Variants in BCO1 observed in about 807,000 individuals in gnomAD.
BCO1 encodes beta,beta-carotene 15,15'-dioxygenase.
Under a neutral mutation model 56.3 loss-of-function variants are expected in BCO1, and 54 were observed. The ratio of observed to expected loss-of-function variants is 0.96; its 90% CI spans 0.77 to 1.20. The LOEUF is 1.20. Ranked by LOEUF, BCO1 falls within the 50% of genes most tolerant of loss-of-function variation. BCO1 has a pLI of 0.00. For synonymous variants in BCO1, 318 were observed against 266.1 expected, an observed-to-expected ratio of 1.20 and a Z score of -1.90; for missense variants, 801 against 690.9, an observed-to-expected ratio of 1.16 and a Z score of -1.79.
Position 81,277,612 on chromosome 16 carries a change from C to G in BCO1, c.1102-3245C>G, listed in dbSNP as rs1020634474. Among the ~76,000 whole-genome samples, 4 of 152,158 alleles carry G rather than the reference C, an allele frequency of 2.6e-5. No homozygotes were observed. The East Asian group carries it at 7.7e-4, about 29-fold the overall frequency. ...GAAACTAGCTCTGAGAAAAAGAGGT[C>G]TGCTCGAATCTGCATGGAAAACCAC... On this transcript the variant is annotated intron_variant, in intron 7 of 10. Coordinates refer to ENST00000258168, the MANE Select transcript of BCO1 (RefSeq NM_017429.3).
At chr16:81,288,620 C>A (rs1341782353) in intron 10 of BCO1, among the ~76,000 whole-genome samples, 2 of 152,200 alleles carry the variant, frequency 1.3e-5, no homozygotes, top group African/African-American at 4.8e-5. Flanking sequence ...TTTCACAGAG[C>A]CGCTGGAAAT....
At chr16:81,263,608 G>A (rs777680682) in intron 4 of BCO1, 3 of 152,194 alleles carry the variant, frequency 2.0e-5, no homozygotes, top group Admixed American at 6.5e-5. Flanking sequence ...AGTTCACTGA[G>A]AATTTGAATG....
In BCO1 at chr16:81,290,533, C is replaced by G. The variant is rs377275995; in HGVS notation, c.1600C>G (p.Gln534Glu). ...AAAAAAGCAGGCCGCTTCTGAGGAA[C>G]AGCGGGACAGGGCTTCCGACTGCCA... is the stretch of plus-strand genomic sequence containing the variant. ...DTKKQAASEE[Q>E]RDRASDCHGA... Residue 534 changes from glutamine to glutamate, a missense_variant, in exon 11 of 11, where the codon CAG becomes GAG. By Grantham distance (29) the Gln-to-Glu change is conservative. Coordinates refer to ENST00000258168, the MANE Select transcript of BCO1 (RefSeq NM_017429.3). 55 of 1,614,096 alleles carry G rather than the reference C, an allele frequency of 3.4e-5. No individual in the cohort carries two copies. In the African/African-American group the frequency reaches 4.7e-4, roughly 14 times the overall value.
At chr16:81,286,744 A>C (rs1464489067) in intron 9 of BCO1, among the ~76,000 whole-genome samples, 1 of 152,110 alleles carries the variant, frequency 6.6e-6, no homozygotes, top group Non-Finnish European at 1.5e-5. Context: ...TTCCTTCTAC[A>C]GTATCAGCTA....
At chr16:81,245,876 CT>C (rs1905381385) in intron 2 of BCO1, among the ~76,000 whole-genome samples, 5 of 28,912 alleles carry the variant, frequency 1.7e-4, no homozygotes, top group Admixed American at 3.7e-4. Context: ...TTTTTTTTTT[CT>C]CTGAGACGGA....
At chr16:81,272,132 G>C (rs78382985) in intron 7 of BCO1, among the ~76,000 whole-genome samples, 1 of 50,164 alleles carries the variant, frequency 2.0e-5, no homozygotes, top group South Asian at 5.7e-4. Context: ...TTTTTTTTTT[G>C]AGAAGGAGTC....
At chr16:81,265,813 C>CCCAT (rs759332681) in intron 5 of BCO1, among the ~76,000 whole-genome samples, 10 of 98,452 alleles carry the variant, frequency 1.0e-4, no homozygotes, top group Non-Finnish European at 1.6e-4. Context: ...CACCCACCTG[C>CCCAT]CCATCCATCC....
chr16:81,238,841 G>A lies in BCO1; in HGVS notation c.-68G>A. On this transcript the variant is annotated 5_prime_UTR_variant, in exon 1 of 11. Coordinates refer to ENST00000258168, the MANE Select transcript of BCO1 (RefSeq NM_017429.3). ...GAAGGAAACGCAGGAGGAGGGAGCA[G>A]CATCTCCTGTGAACACAGAGGAGCA... The A allele has an allele frequency of 2.9e-6, 4 of 1,357,518 alleles. No individual in the cohort carries two copies. Among genetic ancestry groups the A allele is most frequent in the Middle Eastern group, 1.8e-4 (1 of 5,550 alleles). The allele number at this position is 1,357,518 out of a possible 1,614,324, so 84.1% of individuals were successfully genotyped here.
chr16:81,263,940 C>T (rs1906652614), intron 4 of BCO1: 1 of 155,640 alleles, frequency 6.4e-6, no homozygotes, highest in African/African-American at 2.4e-5. Context: ...CACAGGGCTA[C>T]AGAGAGGAAA....
chr16:81,244,433 C>G (rs1905277231), intron 1 of BCO1, among the ~76,000 whole-genome samples: 1 of 152,042 alleles, frequency 6.6e-6, no homozygotes, highest in Non-Finnish European at 1.5e-5. Context: ...AGATGGTTCA[C>G]TTTTGTTCAT....
At chr16:81,270,878 G>A (rs1236467936) in intron 7 of BCO1, among the ~76,000 whole-genome samples, 1 of 151,954 alleles carries the variant, frequency 6.6e-6, no homozygotes, top group African/African-American at 2.4e-5. Context: ...TGGAGTAGCT[G>A]GGACTACAGG....
At chr16:81,248,869 G>A (rs113481791) in intron 2 of BCO1, among the ~76,000 whole-genome samples, 3,828 of 152,094 alleles carry the variant, frequency 0.025, 158 homozygotes, top group African/African-American at 0.086. Flanking sequence ...AAAATTAGCC[G>A]GATGTGGTGG....
At chr16:81,241,483 A>T (rs1469815985) in intron 1 of BCO1, among the ~76,000 whole-genome samples, 3 of 152,242 alleles carry the variant, frequency 2.0e-5, no homozygotes, top group Non-Finnish European at 4.4e-5. Context: ...AGCGGTTCTC[A>T]AAGGGGTGGC....
At position 81,268,032 on chromosome 16, in the gene BCO1, C is replaced by T. The variant is rs1906940971; in HGVS notation, c.744C>T (p.Phe248=). 1 of 1,613,640 alleles carries T rather than the reference C, an allele frequency of 6.2e-7. No individual in the cohort carries two copies. The highest frequency in any genetic ancestry group is 1.3e-5 in the African/African-American group (1 of 74,902). Residue 248 remains phenylalanine (F), a synonymous_variant, in exon 6 of 11, where the codon TTC becomes TTT. Coordinates refer to ENST00000258168, the MANE Select transcript of BCO1 (RefSeq NM_017429.3). ...SFGVTENYVI[F]LEQPFRLDIL... ...GAGTCACCGAGAACTATGTCATCTT[C>T]CTTGAGCAGCCTTTCAGGTTGGATA... is the stretch of plus-strand genomic sequence containing the variant.
intron 5 of BCO1, among the ~76,000 whole-genome samples, chr16:81,265,938 T>C (rs920008276): frequency 2.0e-5 from 3 of 150,474 alleles, no homozygotes; most frequent in Admixed American, 6.6e-5. Flanking sequence ...ACCACCCATC[T>C]ATTCACTCAC....
chr16:81,281,994 A>G (rs180813045), intron 8 of BCO1, among the ~76,000 whole-genome samples: 1 of 152,256 alleles, frequency 6.6e-6, no homozygotes, highest in African/African-American at 2.4e-5. Context: ...AAAGGCTGGC[A>G]TAGAGAGGTC....
At position 81,267,965 on chromosome 16, in the gene BCO1, C is replaced by G; in HGVS notation, c.677C>G (p.Pro226Arg). 1.9e-6 allele frequency: 3 copies of G among 1,613,998 alleles called. No individual in the cohort carries two copies. The highest frequency in any genetic ancestry group is 2.5e-6 in the Non-Finnish European group (3 of 1,180,026). Reference sequence around the variant, plus strand: ...CACACAGAGGTGTTCTGCTCCATCCCATCCCGCTCCCTGCTCTCCCCAAGC... The same window carrying G: ...CACACAGAGGTGTTCTGCTCCATCCGATCCCGCTCCCTGCTCTCCCCAAGC... The part of the protein sequence containing the change: ...WKHTEVFCSI[P>R]SRSLLSPSYY... Residue 226 changes from proline to arginine, a missense_variant, in exon 6 of 11, where the codon CCA becomes CGA. Transcript: ENST00000258168.
At chr16:81,265,434 C>A (rs1162682094) in intron 5 of BCO1, among the ~76,000 whole-genome samples, 1 of 150,824 alleles carries the variant, frequency 6.6e-6, no homozygotes, top group African/African-American at 2.4e-5. Context: ...ACCATCCATC[C>A]ATTCATCCAT....
chr16:81,281,054 C>A, intron 8 of BCO1, 92 bp downstream of exon 8: 1 of 928,310 alleles, frequency 1.1e-6, no homozygotes, highest in Non-Finnish European at 1.7e-6. Context: ...CCCTCCTGTG[C>A]ATGGACAAGG....
Sources: allele counts gnomAD v4.1 joint callset (sites outside exome capture counted in the v4.1 genomes callset), GRCh38; gene constraint gnomAD v4.1.1; transcripts MANE v1.5; gene names NCBI Gene and HGNC (gene_info 2026-07-23, HGNC 2026-07-21).